SCD5: variants seen among roughly 807,000 people sequenced by gnomAD.
SCD5 encodes the protein acyl-CoA-desaturase 4.
A neutral mutation model predicts 30.4 loss-of-function variants in SCD5; 20 were observed. The observed-to-expected ratio is 0.66, with a 90% CI of 0.46 to 0.96. The LOEUF is 0.96. Among genes scored for constraint, SCD5 ranks in the 40% least tolerant of loss-of-function variants. The probability of loss-of-function intolerance (pLI) is 0.00; values close to 1 mark genes in which losing one functional copy is unlikely to be tolerated. For missense variants in SCD5, 381 were observed against 443.3 expected, an observed-to-expected ratio of 0.86 and a Z score of 1.26; for synonymous variants, 173 against 176.4, an observed-to-expected ratio of 0.98 and a Z score of 0.16.
At chr4:82,683,150 G>A (rs557401010) in intron 2 of SCD5, among the ~76,000 whole-genome samples, 60 of 152,260 alleles carry the variant, frequency 3.9e-4, no homozygotes, top group Middle Eastern at 3.4e-3. Context: ...GGAGCATGGC[G>A]GTTTATGTAT....
chr4:82,740,659 T>G (rs763581748), intron 1 of SCD5, among the ~76,000 whole-genome samples: 6 of 152,236 alleles, frequency 3.9e-5, no homozygotes, highest in Non-Finnish European at 8.8e-5. Context: ...GTCTATCCCC[T>G]GCAGTGCTTT....
chr4:82,758,119 G>A (rs1721270275), intron 1 of SCD5, among the ~76,000 whole-genome samples: 1 of 152,202 alleles, frequency 6.6e-6, no homozygotes, highest in Admixed American at 6.5e-5. Flanking sequence ...GAGGATGACA[G>A]TGAATCCAGA....
At chr4:82,782,982 C>T (rs1422356709) in intron 1 of SCD5, among the ~76,000 whole-genome samples, 7 of 152,208 alleles carry the variant, frequency 4.6e-5, no homozygotes, top group Non-Finnish European at 7.3e-5. Context: ...CCACCTGCTT[C>T]GGGGCCTGAA....
Position 82,781,983 on chromosome 4 carries a change from G to A in SCD5, c.232+16323C>T, listed in dbSNP as rs116648619. Among the ~76,000 whole-genome samples, 441 of 152,128 alleles carry A rather than the reference G, an allele frequency of 2.9e-3. 2 individuals carry two copies. Among genetic ancestry groups the A allele is most frequent in the African/African-American group, 9.9e-3 (412 of 41,468 alleles). ...TGGCCACTGTTGACAGGATGCAGGTGAGGATTAAGTCCTCCCCACCTCTCA... is the reference window on the plus strand; with the variant it reads ...TGGCCACTGTTGACAGGATGCAGGTAAGGATTAAGTCCTCCCCACCTCTCA... On this transcript the variant is annotated intron_variant, in intron 1 of 4. Transcript: ENST00000319540.
chr4:82,735,753 T>C (rs61536856), intron 1 of SCD5, among the ~76,000 whole-genome samples: 16,604 of 152,292 alleles, frequency 0.11, 1,095 homozygotes, highest in African/African-American at 0.18. Context: ...CTCACAGTTA[T>C]TTCCATTTTT....
At position 82,631,396 on chromosome 4, in the gene SCD5, A is replaced by G; in HGVS notation, c.924T>C (p.Thr308=). ...IDFMCWLGLA[T]DRKRATKPMI... ...TCGGCTTGGTTGCCCGTTTGCGGTC[A>G]GTGGCCAGCCCCAGCCAGCACATGA... Residue 308 remains threonine (T), a synonymous_variant, in exon 5 of 5, where the codon ACT becomes ACC. Transcript: ENST00000319540. The G allele has an allele frequency of 1.9e-6, 3 of 1,614,122 alleles. No individual in the cohort carries two copies. Among genetic ancestry groups the G allele is most frequent in the Non-Finnish European group, 2.5e-6 (3 of 1,180,014 alleles).
chr4:82,631,566 A>C (rs377343086), intron 4 of SCD5, 49 bp from the exon 5 acceptor site: 1 of 1,579,092 alleles, frequency 6.3e-7, no homozygotes, highest in African/African-American at 1.3e-5. Context: ...ACCTCTCTGC[A>C]TAGATGTTTT....
At chr4:82,726,815 T>C (rs1430234259) in intron 1 of SCD5, among the ~76,000 whole-genome samples, 1 of 152,178 alleles carries the variant, frequency 6.6e-6, no homozygotes, top group East Asian at 1.9e-4. Flanking sequence ...CTTCTTGGCA[T>C]GCTCCCATCT....
At chr4:82,766,889 G>A (rs1721499361) in intron 1 of SCD5, among the ~76,000 whole-genome samples, 1 of 152,004 alleles carries the variant, frequency 6.6e-6, no homozygotes, top group Non-Finnish European at 1.5e-5. Context: ...TGCTGGCCAG[G>A]CTGGTCTCAA....
chr4:82,631,488 A>G lies in SCD5; in HGVS notation c.832T>C (p.Phe278Leu). The change falls in exon 5 of 5, where the codon TTT (phenylalanine) becomes CTT (leucine). Residue 278 changes from phenylalanine to leucine, a missense_variant. Coordinates refer to ENST00000319540, the MANE Select transcript of SCD5 (RefSeq NM_001037582.3). Reference sequence around the variant, plus strand: ...TCACTCGCAGAGTAGTCAAAGGGAAAGGTGTGATGGTAATTATGGAAGCCT... The same window carrying G: ...TCACTCGCAGAGTAGTCAAAGGGAAGGGTGTGATGGTAATTATGGAAGCCT... ...GEGFHNYHHT[F>L]PFDYSASEFG... 2.5e-6 allele frequency: 4 copies of G among 1,614,236 alleles called. No individual in the cohort carries two copies. Among genetic ancestry groups the G allele is most frequent in the Non-Finnish European group, 3.4e-6 (4 of 1,180,040 alleles).
chr4:82,650,427 G>A (rs184703319), intron 3 of SCD5, among the ~76,000 whole-genome samples: 2 of 152,326 alleles, frequency 1.3e-5, no homozygotes, highest in East Asian at 1.9e-4. Context: ...ACGCACAGTG[G>A]CTCATGCCTG....
At chr4:82,640,632 T>G (rs888269184) in intron 3 of SCD5, among the ~76,000 whole-genome samples, 1 of 152,194 alleles carries the variant, frequency 6.6e-6, no homozygotes, top group African/African-American at 2.4e-5. Context: ...TTAGCAAATC[T>G]TTCCCAAGTA....
chr4:82,791,315 A>G (rs2148854398), intron 1 of SCD5, among the ~76,000 whole-genome samples: 1 of 152,204 alleles, frequency 6.6e-6, no homozygotes, highest in Middle Eastern at 3.4e-3. Context: ...GGCCATTCAC[A>G]CATGTAATGA....
At chr4:82,671,879 T>TCAAA (rs1027551201) in intron 3 of SCD5, among the ~76,000 whole-genome samples, 15 of 152,024 alleles carry the variant, frequency 9.9e-5, no homozygotes, top group Non-Finnish European at 1.6e-4. Flanking sequence ...AGACTCTGTC[T>TCAAA]CAAACAAACA....
intron 1 of SCD5, among the ~76,000 whole-genome samples, chr4:82,726,780 C>T (rs1335780306): frequency 2.6e-5 from 4 of 152,138 alleles, no homozygotes; most frequent in African/African-American, 7.2e-5. Flanking sequence ...CAGTGTGAGA[C>T]GCGCTGGACT....
chr4:82,702,023 T>G (rs997526497), intron 2 of SCD5, among the ~76,000 whole-genome samples: 1 of 151,394 alleles, frequency 6.6e-6, no homozygotes, highest in African/African-American at 2.4e-5. Context: ...GGAAGGAGGA[T>G]AGACCATAGA....
intron 1 of SCD5, among the ~76,000 whole-genome samples, chr4:82,769,580 T>C (rs1189696248): frequency 1.3e-5 from 2 of 152,196 alleles, no homozygotes; most frequent in Non-Finnish European, 2.9e-5. Flanking sequence ...GATGCATTTT[T>C]TTCTTTTTTG....
chr4:82,798,278 G>A (rs1722273121), intron 1 of SCD5, 28 bp downstream of exon 1: 1 of 1,540,934 alleles, frequency 6.5e-7, no homozygotes, highest in Non-Finnish European at 8.7e-7. Context: ...ACGGAGGCCG[G>A]GGCGCAGGGG....
chr4:82,748,139 T>C (rs1721031425), intron 1 of SCD5, among the ~76,000 whole-genome samples: 1 of 152,182 alleles, frequency 6.6e-6, no homozygotes, highest in South Asian at 2.1e-4. Flanking sequence ...TTGAGCCCAT[T>C]TTAACCTAAA....
Sources: allele counts gnomAD v4.1 joint callset (sites outside exome capture counted in the v4.1 genomes callset), GRCh38; gene constraint gnomAD v4.1.1; transcripts MANE v1.5; gene names NCBI Gene and HGNC (gene_info 2026-07-23, HGNC 2026-07-21).